PALD1: variants seen among roughly 807,000 people sequenced by gnomAD.
PALD1 encodes the protein paladin.
In PALD1, 57 loss-of-function variants were observed where a neutral mutation model predicts 96.0. The observed-to-expected ratio is 0.59, with a 90% CI of 0.48 to 0.74. PALD1 has a LOEUF of 0.74. PALD1 is among the 30% of genes least tolerant of loss of function. The pLI is 0.00. For synonymous variants in PALD1, 464 were observed against 473.6 expected, an observed-to-expected ratio of 0.98 and a Z score of 0.26; for missense variants, 1,063 against 1,143.7, an observed-to-expected ratio of 0.93 and a Z score of 1.02.
chr10:70,556,171 C>G (rs1390406886), intron 18 of PALD1, among the ~76,000 whole-genome samples: 3 of 152,096 alleles, frequency 2.0e-5, no homozygotes, highest in Non-Finnish European at 4.4e-5. Context: ...GGCTCTTTCA[C>G]TTGAACCCAG....
In PALD1 at chr10:70,534,800, A is replaced by C; in HGVS notation, c.1184A>C (p.Asn395Thr). ...GACCTGAAAGAAGTGGTCTTGGAAA[A>C]CCAGAAGAAGTTAGAAGGTATCCGA... ...LHDLKEVVLE[N>T]QKKLEGIRPE... Residue 395 changes from asparagine (N) to threonine (T), a missense_variant, in exon 10 of 20, where the codon AAC becomes ACC. Coordinates refer to ENST00000263563, the MANE Select transcript of PALD1 (RefSeq NM_014431.3). 1 of 1,612,750 alleles carries C rather than the reference A, an allele frequency of 6.2e-7. No homozygotes were observed. Among genetic ancestry groups the C allele is most frequent in the African/African-American group, 1.3e-5 (1 of 74,944 alleles).
At chr10:70,465,176 A>G in the PALD1 span, among the ~76,000 whole-genome samples, 2 of 151,506 alleles carry the variant, frequency 1.3e-5, no homozygotes, top group East Asian at 2.0e-4. Flanking sequence ...GGGTTTCACC[A>G]TGTTAGCCAG....
At chr10:70,534,693 C>A in intron 9 of PALD1, 46 bp from the exon 10 acceptor site, 1 of 1,347,208 alleles carries the variant, frequency 7.4e-7, no homozygotes, top group African/African-American at 1.4e-5. Context: ...GACCCTGCTC[C>A]CCACCCCCCC....
intron 18 of PALD1, among the ~76,000 whole-genome samples, chr10:70,554,911 C>A (rs1370703763): frequency 6.9e-5 from 4 of 58,298 alleles, no homozygotes; most frequent in African/African-American, 1.4e-4. Context: ...CCTCCCCTCC[C>A]CTCTCCTCCC....
At position 70,541,104 on chromosome 10, in the gene PALD1, CT is replaced by C. The variant is rs779827218; in HGVS notation, c.1914del (p.Phe638LeufsTer57). 2 of 1,600,972 alleles carry C rather than the reference CT, an allele frequency of 1.2e-6. No individual in the cohort carries two copies. The highest frequency in any genetic ancestry group is 1.7e-6 in the Non-Finnish European group (2 of 1,175,246). ...PDFCAPREED[F>X]DQLLEALRAA... Reference sequence around the variant, plus strand: ...CAGACCTTGCTTTTCTCGTCCAGGACTTTGACCAGCTGCTGGAGGCCCTGCG... The same window carrying C: ...CAGACCTTGCTTTTCTCGTCCAGGACTTGACCAGCTGCTGGAGGCCCTGCG... On this transcript the variant is annotated frameshift_variant, in exon 16 of 20. Transcript: ENST00000263563. LOFTEE classifies it high-confidence loss of function.
chr10:70,533,543 C>T (rs902945551), intron 7 of PALD1, among the ~76,000 whole-genome samples: 12 of 152,192 alleles, frequency 7.9e-5, no homozygotes, highest in Non-Finnish European at 5.9e-5. Flanking sequence ...TCAGTTCCTC[C>T]TTTCTTTAGT....
chr10:70,538,365 C>T lies in PALD1; in HGVS notation c.1409C>T (p.Ala470Val). The T allele has an allele frequency of 6.2e-7, 1 of 1,611,176 alleles. No individual in the cohort carries two copies. The highest frequency in any genetic ancestry group is 8.5e-7 in the Non-Finnish European group (1 of 1,179,948). ...LYRLPVTLSS[A>V]GPVAPRDLIA... ...CGCCTGCCCGTGACGCTGAGCTCAG[C>T]AGGCCCTGTGGCTCCGAGGGACCTC... Residue 470 changes from alanine to valine, a missense_variant, in exon 12 of 20, where the codon GCA (alanine) becomes GTA (valine). Transcript: ENST00000263563.
chr10:70,464,742 C>T, the PALD1 span, among the ~76,000 whole-genome samples: 6 of 149,834 alleles, frequency 4.0e-5, no homozygotes, highest in African/African-American at 1.2e-4. Flanking sequence ...TCTCCTGCTT[C>T]AGCCTCCCGA....
chr10:70,545,800 G>C (rs1347807891), intron 17 of PALD1, among the ~76,000 whole-genome samples: 1 of 151,992 alleles, frequency 6.6e-6, no homozygotes, highest in African/African-American at 2.4e-5. Context: ...GTGGCTGGGG[G>C]CTGCTGCAGG....
chr10:70,508,396 G>T (rs1185007489), intron 1 of PALD1, among the ~76,000 whole-genome samples: 1 of 152,228 alleles, frequency 6.6e-6, no homozygotes, highest in Admixed American at 6.5e-5. Context: ...ACTGGCTGGA[G>T]TTTAGGGCAT....
chr10:70,553,092 A>G (rs10823562), intron 18 of PALD1, among the ~76,000 whole-genome samples: 69,488 of 151,864 alleles, frequency 0.46, 16,421 homozygotes, highest in East Asian at 0.83. Flanking sequence ...GGGCTGGAAG[A>G]TCCTGTCGTC....
At chr10:70,468,240 C>T in the PALD1 span, among the ~76,000 whole-genome samples, 1 of 152,050 alleles carries the variant, frequency 6.6e-6, no homozygotes, top group Non-Finnish European at 1.5e-5. Flanking sequence ...CAGGTGTGGT[C>T]CACCAGGTAA....
At chr10:70,483,392 G>A (rs917426955) in intron 1 of PALD1, among the ~76,000 whole-genome samples, 1 of 152,234 alleles carries the variant, frequency 6.6e-6, no homozygotes, top group Middle Eastern at 3.2e-3. Flanking sequence ...TGGGTCATCT[G>A]CACACCCATG....
At chr10:70,541,995 C>A (rs1368020692) in intron 17 of PALD1, among the ~76,000 whole-genome samples, 2 of 152,230 alleles carry the variant, frequency 1.3e-5, no homozygotes, top group East Asian at 3.9e-4. Flanking sequence ...TATTGTGCAC[C>A]TGCCACATGC....
Position 70,529,287 on chromosome 10 carries a change from T to A in PALD1, c.244T>A (p.Leu82Met). The A allele has an allele frequency of 1.4e-6, 2 of 1,465,616 alleles. No individual in the cohort carries two copies. Among genetic ancestry groups the A allele is most frequent in the South Asian group, 2.3e-5 (2 of 88,354 alleles). 90.8% of individuals were successfully genotyped at this position (1,465,616 alleles called of 1,614,324 possible). Residue 82 changes from leucine to methionine, a missense_variant, in exon 3 of 20, where the codon TTG (leucine) becomes ATG (methionine). Leu to Met is a conservative substitution (Grantham distance 15). Transcript: ENST00000263563. ...HDELLKAHYT[L>M]GRLSDNTPEH... ...TGAGCTGCTCAAGGCTCATTACACG[T>A]TGGGCCGGCTCTCGGACAACACCCC... is the stretch of plus-strand genomic sequence containing the variant.
intron 1 of PALD1, among the ~76,000 whole-genome samples, chr10:70,519,493 C>T (rs1179796886): frequency 1.3e-5 from 2 of 151,986 alleles, no homozygotes; most frequent in African/African-American, 4.8e-5. Flanking sequence ...GGGTTCTGCC[C>T]TCATGAATTA....
intron 1 of PALD1, among the ~76,000 whole-genome samples, chr10:70,502,008 C>A (rs530840958): frequency 2.6e-5 from 4 of 152,116 alleles, no homozygotes; most frequent in Admixed American, 6.5e-5. Flanking sequence ...AGTTTGACAT[C>A]CATAAAAGAG....
At chr10:70,556,911 CCT>C (rs1185975788) in intron 18 of PALD1, among the ~76,000 whole-genome samples, 26 of 152,162 alleles carry the variant, frequency 1.7e-4, no homozygotes, top group African/African-American at 6.0e-4. Flanking sequence ...GCAAGATCCA[CCT>C]CTGAAACCCT....
At chr10:70,528,602 T>C (rs1006410093) in intron 2 of PALD1, among the ~76,000 whole-genome samples, 6 of 152,122 alleles carry the variant, frequency 3.9e-5, no homozygotes, top group African/African-American at 1.4e-4. Context: ...GTCCCTCCAA[T>C]ACAATCTGAT....
Sources: gnomAD v4.1 joint callset for allele counts (sites outside exome capture counted in the v4.1 genomes callset) on GRCh38, gnomAD v4.1.1 for gene constraint, MANE v1.5 for transcripts, NCBI Gene and HGNC (gene_info 2026-07-23, HGNC 2026-07-21) for gene names.